Variants in EML4 observed in about 807,000 individuals in gnomAD.
EML4 encodes the protein echinoderm microtubule-associated protein-like 4.
In EML4, 72 loss-of-function variants were observed where a neutral mutation model predicts 129.0. The ratio of observed to expected loss-of-function variants is 0.56; its 90% CI spans 0.46 to 0.68. EML4 has a LOEUF of 0.68. Ranked by LOEUF, EML4 falls within the 30% of genes least tolerant of loss-of-function variation. The pLI is 0.00. For synonymous variants in EML4, 532 were observed against 405.0 expected (o/e 1.31, Z -3.77); for missense variants, 1,363 against 1,190.6 (o/e 1.14, Z -2.13).
At chr2:42,193,488 A>T (rs934814163) in intron 1 of EML4, among the ~76,000 whole-genome samples, 5 of 152,232 alleles carry the variant, frequency 3.3e-5, no homozygotes, top group Non-Finnish European at 7.3e-5. Flanking sequence ...TTCTTAGCAA[A>T]GAAGTTGCTG....
rs976356429 is a variant in EML4, at chr2:42,332,530, A to C, written c.*2323A>C. ...TGAAGATTAAAAAATAAAATAATCA[A>C]AATGTTTCCTCTTTCTAAGTGCGTC... On this transcript the variant is annotated 3_prime_UTR_variant, in exon 23 of 23. Coordinates refer to ENST00000318522, the MANE Select transcript of EML4 (RefSeq NM_019063.5). The C allele has an allele frequency of 1.6e-5, 3 of 182,066 alleles. No homozygotes were observed. The highest frequency in any genetic ancestry group is 7.1e-5 in the African/African-American group (3 of 42,442). The allele number at this position is 182,066 out of a possible 1,614,324, so 11.3% of individuals were successfully genotyped here.
intron 2 of EML4, among the ~76,000 whole-genome samples, chr2:42,248,980 A>G (rs1675594213): frequency 6.6e-6 from 1 of 152,174 alleles, no homozygotes; most frequent in South Asian, 2.1e-4. Context: ...AAGTTTCATA[A>G]TGTTATTGGC....
At chr2:42,306,678 A>G (rs950668280) in intron 17 of EML4, among the ~76,000 whole-genome samples, 1 of 132,396 alleles carries the variant, frequency 7.6e-6, no homozygotes, top group African/African-American at 2.8e-5. Context: ...TTTTTTTTGT[A>G]TTTTTAGTAG....
chr2:42,238,671 G>T (rs1674834253), intron 1 of EML4, among the ~76,000 whole-genome samples: 1 of 151,472 alleles, frequency 6.6e-6, no homozygotes, highest in African/African-American at 2.4e-5. Flanking sequence ...AGGCTGGAGT[G>T]CAAGGGTGCA....
At chr2:42,184,538 AC>A (rs1671134554) in intron 1 of EML4, among the ~76,000 whole-genome samples, 1 of 151,050 alleles carries the variant, frequency 6.6e-6, no homozygotes, top group Non-Finnish European at 1.5e-5. Context: ...TTCCAGCTTC[AC>A]CCCTTACTGC....
chr2:42,271,358 G>A (rs188733381), intron 6 of EML4, among the ~76,000 whole-genome samples: 19 of 152,252 alleles, frequency 1.2e-4, no homozygotes, highest in African/African-American at 3.4e-4. Context: ...CGCTGGTCTC[G>A]CCATCTGTAT....
At chr2:42,306,156 A>G (rs1233404803) in intron 17 of EML4, among the ~76,000 whole-genome samples, 1 of 152,240 alleles carries the variant, frequency 6.6e-6, no homozygotes, top group Non-Finnish European at 1.5e-5. Context: ...CAAAACACGT[A>G]AGTAATAGAT....
Position 42,241,874 on chromosome 2 carries a change from C to CGGG in EML4, c.26-3624_26-3622dup, listed in dbSNP as rs58306857. Among the ~76,000 whole-genome samples the CGGG allele has an allele frequency of 1.4e-3, 207 of 144,928 alleles. 1 individual carries two copies. The highest frequency in any genetic ancestry group is 5.2e-3 in the African/African-American group (199 of 38,150). On this transcript the variant is annotated intron_variant, in intron 1 of 22. Transcript: ENST00000318522. The stretch of plus-strand genomic sequence containing the variant: ...AGATTGTGTGTGTATGTGTGTGTGT[C>CGGG]GGGGGGGGGAAGCTGAGGTAATAAA...
intron 22 of EML4, 39 bp downstream of exon 22, chr2:42,329,055 T>C: frequency 6.3e-7 from 1 of 1,589,518 alleles, no homozygotes; most frequent in Non-Finnish European, 8.6e-7. Flanking sequence ...TATAAGGCCT[T>C]CTGTCCAGGG....
At chr2:42,170,221 C>A (rs762721231) in intron 1 of EML4, 1 of 152,286 alleles carries the variant, frequency 6.6e-6, no homozygotes, top group Non-Finnish European at 1.5e-5. Flanking sequence ...CTTTTCAATC[C>A]CTCCACTTCT....
intron 8 of EML4, among the ~76,000 whole-genome samples, chr2:42,284,143 A>G (rs998729787): frequency 2.0e-5 from 3 of 152,242 alleles, no homozygotes; most frequent in Admixed American, 1.3e-4. Context: ...TGAAAGCACT[A>G]TGTGTGAAGA....
At position 42,245,555 on chromosome 2, in the gene EML4, G is replaced by C. The variant is rs1431427641; in HGVS notation, c.76G>C (p.Ala26Pro). 1 of 1,613,854 alleles carries C rather than the reference G, an allele frequency of 6.2e-7. No homozygotes were observed. Among genetic ancestry groups the C allele is most frequent in the African/African-American group, 1.3e-5 (1 of 75,016 alleles). Reference protein sequence around the residue: ...STSDVQDRLSALESRVQQQED... With the variant: ...STSDVQDRLSPLESRVQQQED... The stretch of plus-strand genomic sequence containing the variant: ...TTCTGATGTTCAAGATCGCCTGTCA[G>C]CTCTTGAGTCACGAGTTCAGCAACA... Residue 26 changes from alanine to proline, a missense_variant, in exon 2 of 23, where the codon GCT (alanine) becomes CCT (proline). Transcript: ENST00000318522.
chr2:42,220,958 G>T (rs976379222), intron 1 of EML4, among the ~76,000 whole-genome samples: 2 of 152,190 alleles, frequency 1.3e-5, no homozygotes, highest in Non-Finnish European at 2.9e-5. Context: ...TGAGAGACGT[G>T]AGGAAGCTGC....
At chr2:42,310,006 A>C (rs919935075) in intron 17 of EML4, among the ~76,000 whole-genome samples, 1 of 152,178 alleles carries the variant, frequency 6.6e-6, no homozygotes, top group Admixed American at 6.5e-5. Flanking sequence ...GTTAATCTTC[A>C]TATATAGTAT....
intron 1 of EML4, 52 bp downstream of exon 1, chr2:42,169,688 TC>T: frequency 1.3e-6 from 2 of 1,582,516 alleles, no homozygotes; most frequent in Non-Finnish European, 1.7e-6. Context: ...GGAACTTTTT[TC>T]CTTCCGCACA....
At chr2:42,216,768 C>G (rs1252228204) in intron 1 of EML4, among the ~76,000 whole-genome samples, 2 of 152,164 alleles carry the variant, frequency 1.3e-5, no homozygotes, top group African/African-American at 2.4e-5. Context: ...AACCATGCCA[C>G]AACAATTGAG....
chr2:42,259,391 C>T (rs17029452), intron 3 of EML4, among the ~76,000 whole-genome samples: 37,576 of 151,888 alleles, frequency 0.25, 4,738 homozygotes, highest in South Asian at 0.34. Flanking sequence ...TATGCTTATC[C>T]AGTCTGGTTA....
intron 1 of EML4, among the ~76,000 whole-genome samples, chr2:42,213,228 C>G (rs1000026688): frequency 1.3e-5 from 2 of 152,168 alleles, no homozygotes; most frequent in African/African-American, 4.8e-5. Flanking sequence ...ATCCCAGAAG[C>G]TCCTTGGTGA....
chr2:42,268,725 G>A (rs765455342), intron 6 of EML4, among the ~76,000 whole-genome samples: 13 of 152,142 alleles, frequency 8.5e-5, no homozygotes, highest in Non-Finnish European at 1.3e-4. Flanking sequence ...GCTGTGAGCC[G>A]CCGCACCTGG....
Sources: gnomAD v4.1 joint callset for allele counts (sites outside exome capture counted in the v4.1 genomes callset) on GRCh38, gnomAD v4.1.1 for gene constraint, MANE v1.5 for transcripts, NCBI Gene and HGNC (gene_info 2026-07-23, HGNC 2026-07-21) for gene names.